Variants in WWOX observed in about 807,000 individuals in gnomAD.
The protein encoded by WWOX is WW domain-containing oxidoreductase.
WWOX carries 69 observed loss-of-function variants against 46.2 expected under a neutral mutation model. That is an observed-to-expected ratio of 1.49 (90% CI 1.23 to 1.82). The LOEUF (loss-of-function observed/expected upper bound fraction) is 1.82. Ranked by LOEUF, WWOX falls within the 40% of genes most tolerant of loss-of-function variation. WWOX has a pLI of 0.00. For missense variants in WWOX, 919 were observed against 542.6 expected (o/e 1.69, Z -6.89); for synonymous variants, 359 against 202.6 (o/e 1.77, Z -6.56).
chr16:78,529,766 C>A (rs376914362), intron 8 of WWOX, among the ~76,000 whole-genome samples: 1 of 152,052 alleles, frequency 6.6e-6, no homozygotes, highest in Admixed American at 6.6e-5. Context: ...CATGCCCAGC[C>A]CTCAGAGTGT....
Position 79,090,988 on chromosome 16 carries a change from A to G in WWOX, c.1057-120620A>G, listed in dbSNP as rs146023268. Among the ~76,000 whole-genome samples the G allele has an allele frequency of 5.3e-3, 806 of 152,160 alleles. 32 individuals carry two copies. Among genetic ancestry groups the G allele is most frequent in the Admixed American group, 0.047 (723 of 15,282 alleles). ...AATTTTTGTATTTTTTGTAGATACC[A>G]TGTTGGCCAGCCTGGTCTCAACCTC... On this transcript the variant is annotated intron_variant, in intron 8 of 8. Coordinates refer to ENST00000566780, the MANE Select transcript of WWOX (RefSeq NM_016373.4).
intron 5 of WWOX, among the ~76,000 whole-genome samples, chr16:78,284,629 A>T (rs2070325988): frequency 6.6e-6 from 1 of 152,210 alleles, no homozygotes. Context: ...CTACAAAATC[A>T]ATCAACAAAC....
Position 78,838,964 on chromosome 16 carries a change from A to G in WWOX, c.1057-372644A>G, listed in dbSNP as rs1163889784. 3.9e-5 allele frequency among the ~76,000 whole-genome samples: 6 copies of G among 152,152 alleles called. No homozygotes were observed. The East Asian group carries it at 1.2e-3, about 29-fold the overall frequency. On this transcript the variant is annotated intron_variant, in intron 8 of 8. Coordinates refer to ENST00000566780, the MANE Select transcript of WWOX (RefSeq NM_016373.4). Reference sequence around the variant, plus strand: ...AAAACAGCAACTGGAGGATCCTGGTATAGATGGAAATGTTCTGCATCTTGA... The same window carrying G: ...AAAACAGCAACTGGAGGATCCTGGTGTAGATGGAAATGTTCTGCATCTTGA...
At chr16:78,569,942 T>A (rs2044672376) in intron 8 of WWOX, among the ~76,000 whole-genome samples, 1 of 152,230 alleles carries the variant, frequency 6.6e-6, no homozygotes, top group South Asian at 2.1e-4. Context: ...TAGAGCTTCC[T>A]CTTTGAATTT....
At chr16:78,982,833 C>T (rs772928892) in intron 8 of WWOX, among the ~76,000 whole-genome samples, 8 of 152,120 alleles carry the variant, frequency 5.3e-5, no homozygotes, top group African/African-American at 1.7e-4. Context: ...CCCTTCTGAG[C>T]CCCTCTTTAT....
At chr16:78,506,716 T>C in intron 8 of WWOX, 1 of 108,772 alleles carries the variant, frequency 9.2e-6, no homozygotes, top group Non-Finnish European at 2.0e-5. Flanking sequence ...TTTTTTTTTT[T>C]TTTTTTTTTT....
At chr16:78,844,384 C>T (rs1038685578) in intron 8 of WWOX, among the ~76,000 whole-genome samples, 16 of 152,128 alleles carry the variant, frequency 1.1e-4, no homozygotes, top group African/African-American at 3.4e-4. Context: ...GAAATAAATT[C>T]TTATTTTCCT....
chr16:78,621,503 T>C (rs1406773930), intron 8 of WWOX, among the ~76,000 whole-genome samples: 1 of 152,002 alleles, frequency 6.6e-6, no homozygotes, highest in Non-Finnish European at 1.5e-5. Flanking sequence ...ATTTCCATTT[T>C]ACTTCTATTT....
At chr16:78,666,415 C>T (rs1217547365) in intron 8 of WWOX, among the ~76,000 whole-genome samples, 3 of 152,198 alleles carry the variant, frequency 2.0e-5, no homozygotes, top group African/African-American at 7.2e-5. Context: ...ATCAGAACAA[C>T]CCAAGCCCCA....
At chr16:78,879,023 T>G (rs776144890) in intron 8 of WWOX, among the ~76,000 whole-genome samples, 10 of 151,858 alleles carry the variant, frequency 6.6e-5, no homozygotes, top group Non-Finnish European at 1.2e-4. Context: ...GCTATCATTG[T>G]GTCACTACAC....
intron 5 of WWOX, among the ~76,000 whole-genome samples, chr16:78,261,788 C>CTAGATATATATATATATATATATATATA (rs1491587303): frequency 4.1e-5 from 3 of 73,746 alleles, no homozygotes; most frequent in African/African-American, 1.7e-4. Context: ...ATCTATCTAT[C>CTAGATATATATATATATATATATATATA]TATATATATA....
At chr16:79,194,871 G>C (rs1411707153) in intron 8 of WWOX, among the ~76,000 whole-genome samples, 1 of 152,114 alleles carries the variant, frequency 6.6e-6, no homozygotes, top group African/African-American at 2.4e-5. Context: ...TGCTCCCAGA[G>C]TCTATGCTTT....
At chr16:78,586,017 G>T (rs1441186056) in intron 8 of WWOX, among the ~76,000 whole-genome samples, 1 of 151,854 alleles carries the variant, frequency 6.6e-6, no homozygotes, top group South Asian at 2.1e-4. Context: ...GGGCAATATA[G>T]CAAGATGTCA....
At chr16:78,134,545 T>C (rs73564557) in intron 4 of WWOX, among the ~76,000 whole-genome samples, 6,193 of 152,230 alleles carry the variant, frequency 0.041, 460 homozygotes, top group African/African-American at 0.14. Flanking sequence ...TCATTCTCTG[T>C]TTAGTTTCAT....
chr16:78,522,118 G>C (rs937437618), intron 8 of WWOX, among the ~76,000 whole-genome samples: 1 of 150,012 alleles, frequency 6.7e-6, no homozygotes, highest in Admixed American at 6.6e-5. Flanking sequence ...GGAATATGGA[G>C]GAGAAGGGAA....
chr16:79,024,893 GA>G (rs975717089), intron 8 of WWOX, among the ~76,000 whole-genome samples: 1 of 152,200 alleles, frequency 6.6e-6, no homozygotes, highest in African/African-American at 2.4e-5. Flanking sequence ...TTCTAAAGAG[GA>G]ATGGGAGTCA....
At chr16:78,267,892 A>T (rs2079401111) in intron 5 of WWOX, among the ~76,000 whole-genome samples, 1 of 152,092 alleles carries the variant, frequency 6.6e-6, no homozygotes, top group Admixed American at 6.5e-5. Flanking sequence ...ATCTCAAGTC[A>T]CTGCAGCCTT....
At chr16:78,210,410 A>G (rs533605420) in intron 5 of WWOX, among the ~76,000 whole-genome samples, 1 of 152,278 alleles carries the variant, frequency 6.6e-6, no homozygotes, top group East Asian at 1.9e-4. Flanking sequence ...AAGCCCTGCA[A>G]ACTTTTGTAG....
At chr16:78,637,435 C>G (rs1358585331) in intron 8 of WWOX, among the ~76,000 whole-genome samples, 1 of 138,754 alleles carries the variant, frequency 7.2e-6, no homozygotes, top group Non-Finnish European at 1.5e-5. Context: ...GAGTGAAACT[C>G]TGTCTCAAAA....
Sources: allele counts gnomAD v4.1 joint callset (sites outside exome capture counted in the v4.1 genomes callset), GRCh38; gene constraint gnomAD v4.1.1; transcripts MANE v1.5; gene names NCBI Gene and HGNC (gene_info 2026-07-23, HGNC 2026-07-21).